BMPR2: variants seen among roughly 807,000 people sequenced by gnomAD.
BMPR2 encodes the protein bone morphogenetic protein receptor type 2.
BMPR2 carries 29 observed loss-of-function variants against 100.8 expected under a neutral mutation model. The ratio of observed to expected loss-of-function variants is 0.29; its 90% CI spans 0.21 to 0.39. BMPR2 has a LOEUF of 0.39. Ranked by LOEUF, BMPR2 falls within the 10% of genes least tolerant of loss-of-function variation. The probability of loss-of-function intolerance (pLI) is 1.00; values close to 1 mark genes in which losing one functional copy is unlikely to be tolerated. For missense variants in BMPR2, 1,011 were observed against 1,274.5 expected, an observed-to-expected ratio of 0.79 and a Z score of 3.15; for synonymous variants, 382 against 442.3, an observed-to-expected ratio of 0.86 and a Z score of 1.71.
intron 1 of BMPR2, among the ~76,000 whole-genome samples, chr2:202,444,684 C>T (rs1034727479): frequency 4.0e-5 from 6 of 150,626 alleles, no homozygotes; most frequent in Non-Finnish European, 8.8e-5. Flanking sequence ...GTTTTATTTA[C>T]CCTTCTTTTT....
At chr2:202,402,646 C>A (rs1241081825) in intron 1 of BMPR2, among the ~76,000 whole-genome samples, 1 of 145,604 alleles carries the variant, frequency 6.9e-6, no homozygotes, top group Non-Finnish European at 1.5e-5. Flanking sequence ...GCAAAACTTG[C>A]ATTGTGTGTG....
chr2:202,460,853 C>T (rs569714879), intron 1 of BMPR2, among the ~76,000 whole-genome samples: 2 of 146,526 alleles, frequency 1.4e-5, no homozygotes, highest in East Asian at 4.0e-4. Context: ...TAGGGTATCA[C>T]TCTGTTACCC....
intron 1 of BMPR2, among the ~76,000 whole-genome samples, chr2:202,459,590 T>C (rs1352577869): frequency 6.6e-6 from 1 of 152,194 alleles, no homozygotes; most frequent in Admixed American, 6.6e-5. Flanking sequence ...ACCTGTGGTG[T>C]TTGGTTTTCT....
intron 1 of BMPR2, among the ~76,000 whole-genome samples, chr2:202,400,687 A>C (rs1193214586): frequency 6.6e-6 from 1 of 152,048 alleles, no homozygotes; most frequent in Non-Finnish European, 1.5e-5. Context: ...CTACTTGGTG[A>C]TTTTCATAAC....
chr2:202,527,259 G>C (rs949791518), intron 7 of BMPR2, among the ~76,000 whole-genome samples: 4 of 152,042 alleles, frequency 2.6e-5, no homozygotes, highest in African/African-American at 9.7e-5. Flanking sequence ...AGGCCGAGGT[G>C]GGTGGATCGT....
Position 202,519,004 on chromosome 2 carries a change from T to G in BMPR2, c.804T>G (p.Thr268=), listed in dbSNP as rs755803927. The G allele has an allele frequency of 6.2e-7, 1 of 1,614,182 alleles. No individual in the cohort carries two copies. The highest frequency in any genetic ancestry group is 1.7e-5 in the Admixed American group (1 of 60,018). ...TTATAGTTGGAGATGAGAGAGTCAC[T>G]GCAGATGGACGCATGGAATATTTGC... ...ARFIVGDERV[T]ADGRMEYLLV... The change falls in exon 6 of 13, where the codon ACT becomes ACG. Residue 268 remains threonine (T), a synonymous_variant. Transcript: ENST00000374580.
chr2:202,557,955 G>T (rs1688610429), intron 12 of BMPR2, among the ~76,000 whole-genome samples: 1 of 152,072 alleles, frequency 6.6e-6, no homozygotes, highest in South Asian at 2.1e-4. Flanking sequence ...GATTATGTCT[G>T]CATTTAGGTT....
At chr2:202,492,274 T>A (rs1692917690) in intron 3 of BMPR2, among the ~76,000 whole-genome samples, 1 of 152,146 alleles carries the variant, frequency 6.6e-6, no homozygotes, top group Non-Finnish European at 1.5e-5. Flanking sequence ...GTTACATAAG[T>A]GTTTGCTTCA....
rs1375862788 is a variant in BMPR2 at position 202,495,908 on chromosome 2, CATT to C, written c.419-17808_419-17806del. 6.6e-6 allele frequency among the ~76,000 whole-genome samples: 1 copy of C among 152,114 alleles called. No individual in the cohort carries two copies. Among genetic ancestry groups the C allele is most frequent in the Non-Finnish European group, 1.5e-5 (1 of 68,018 alleles). On this transcript the variant is annotated intron_variant, in intron 3 of 12. Transcript: ENST00000374580. This position sits in a 1 kb window ranked among gnomAD's most constrained non-coding sequence, Gnocchi z 4.5. ...CTTCAAAAAACTGTATGAGAAGACT[CATT>C]ATACAGAGTTTTGGAAGTAGGAGGA... is the stretch of plus-strand genomic sequence containing the variant.
At chr2:202,462,018 G>A (rs1045171703) in intron 1 of BMPR2, among the ~76,000 whole-genome samples, 2 of 152,038 alleles carry the variant, frequency 1.3e-5, no homozygotes, top group Non-Finnish European at 2.9e-5. Context: ...TTTCCCGTAT[G>A]TGGTTGGGGT....
At chr2:202,541,655 T>G (rs911784970) in intron 9 of BMPR2, among the ~76,000 whole-genome samples, 5 of 152,154 alleles carry the variant, frequency 3.3e-5, no homozygotes, top group Non-Finnish European at 5.9e-5. Flanking sequence ...GGGATCAGTG[T>G]TCAGGCATGT....
intron 1 of BMPR2, among the ~76,000 whole-genome samples, chr2:202,381,919 C>T (rs1177074931): frequency 6.6e-6 from 1 of 151,470 alleles, no homozygotes; most frequent in African/African-American, 2.4e-5. Flanking sequence ...GAATATTGAT[C>T]TCTAATGGGT....
intron 7 of BMPR2, among the ~76,000 whole-genome samples, 194 bp from the exon 8 acceptor site, chr2:202,530,600 C>CATTA (rs1688003481): frequency 6.6e-6 from 1 of 152,102 alleles, no homozygotes; most frequent in Non-Finnish European, 1.5e-5. Context: ...TTTAACTATA[C>CATTA]ATGCAACAGG....
intron 11 of BMPR2, among the ~76,000 whole-genome samples, chr2:202,553,449 T>G (rs1313641404): frequency 1.3e-5 from 2 of 152,174 alleles, no homozygotes; most frequent in Non-Finnish European, 2.9e-5. Flanking sequence ...GTTAGAACTA[T>G]GATTTTTGGT....
Position 202,556,194 on chromosome 2 carries a change from C to T in BMPR2, c.2529C>T (p.Ala843=). ...GQTTNIVTHR[A]QEMLQNQFIG... is the part of the protein sequence containing the mutation. ...CAACCAACATAGTGACACATAGGGC[C>T]CAAGAAATGTTGCAGAATCAGTTTA... Residue 843 remains alanine, a synonymous_variant, in exon 12 of 13, where the codon GCC becomes GCT. Transcript: ENST00000374580. 6.2e-7 allele frequency: 1 copy of T among 1,611,352 alleles called. No homozygotes were observed. The highest frequency in any genetic ancestry group is 8.5e-7 in the Non-Finnish European group (1 of 1,177,834).
chr2:202,453,271 A>G (rs976525390), intron 1 of BMPR2, among the ~76,000 whole-genome samples: 1 of 151,976 alleles, frequency 6.6e-6, no homozygotes, highest in Non-Finnish European at 1.5e-5. Flanking sequence ...ATTATTTAAA[A>G]TTCTATTACT....
intron 3 of BMPR2, among the ~76,000 whole-genome samples, chr2:202,492,100 C>T (rs1692913452): frequency 6.6e-6 from 1 of 152,034 alleles, no homozygotes; most frequent in Non-Finnish European, 1.5e-5. Flanking sequence ...CAAAAAAACT[C>T]AGCATTCAGT....
chr2:202,411,560 A>C (rs898313193), intron 1 of BMPR2, among the ~76,000 whole-genome samples: 4 of 152,046 alleles, frequency 2.6e-5, no homozygotes, highest in Non-Finnish European at 4.4e-5. Flanking sequence ...GGCCCATTTT[A>C]TTGTTCAGTT....
chr2:202,500,453 C>T (rs1486333548), intron 3 of BMPR2, among the ~76,000 whole-genome samples: 3 of 152,152 alleles, frequency 2.0e-5, no homozygotes, highest in East Asian at 1.9e-4. Flanking sequence ...TTGTCCCCTA[C>T]TTGAGGAGGG....
Sources: gnomAD v4.1 joint callset for allele counts (sites outside exome capture counted in the v4.1 genomes callset) on GRCh38, gnomAD v4.1.1 for gene constraint, Gnocchi (gnomAD v3.1) non-coding constraint, MANE v1.5 for transcripts, NCBI Gene and HGNC (gene_info 2026-07-23, HGNC 2026-07-21) for gene names.